Variants in WWOX observed in about 807,000 individuals in gnomAD.
The protein encoded by WWOX is WW domain-containing oxidoreductase.
A neutral mutation model predicts 46.2 loss-of-function variants in WWOX; 69 were observed. The ratio of observed to expected loss-of-function variants is 1.49; its 90% CI spans 1.23 to 1.82. The LOEUF is 1.82. Among genes scored for constraint, WWOX ranks in the 40% most tolerant of loss-of-function variants. The pLI, the probability that WWOX is intolerant of heterozygous loss-of-function variation, is 0.00. For missense variants in WWOX, 919 were observed against 542.6 expected (o/e 1.69, Z -6.89); for synonymous variants, 359 against 202.6 (o/e 1.77, Z -6.56).
chr16:78,345,061 A>G (rs2151902341), intron 5 of WWOX, among the ~76,000 whole-genome samples: 1 of 119,422 alleles, frequency 8.4e-6, no homozygotes, highest in African/African-American at 2.8e-5. Flanking sequence ...ATGGACCTAA[A>G]GTACCTAGGA....
At chr16:78,795,205 G>T (rs568331737) in intron 8 of WWOX, among the ~76,000 whole-genome samples, 3 of 152,180 alleles carry the variant, frequency 2.0e-5, no homozygotes, top group African/African-American at 7.2e-5. Flanking sequence ...AGTGCTTTGC[G>T]GGCATTATGT....
At chr16:78,989,418 G>C (rs1054268567) in intron 8 of WWOX, among the ~76,000 whole-genome samples, 4 of 152,160 alleles carry the variant, frequency 2.6e-5, no homozygotes, top group Non-Finnish European at 1.5e-5. Flanking sequence ...AATCTTAACA[G>C]CACCACAAAT....
chr16:78,434,683 G>A (rs371622376), intron 8 of WWOX, among the ~76,000 whole-genome samples: 16 of 152,252 alleles, frequency 1.1e-4, no homozygotes, highest in South Asian at 6.2e-4. Context: ...CAGAGAGTTC[G>A]TTTTCTCCTT....
chr16:79,165,429 C>G (rs772974594), intron 8 of WWOX, among the ~76,000 whole-genome samples: 10 of 152,166 alleles, frequency 6.6e-5, no homozygotes, highest in Non-Finnish European at 1.5e-4. Flanking sequence ...CCCACTGCAG[C>G]CGGTAGCATA....
Position 78,641,749 on chromosome 16 carries a change from G to A in WWOX, c.1056+208997G>A, listed in dbSNP as rs146084557. Among the ~76,000 whole-genome samples the A allele has an allele frequency of 2.0e-3, 298 of 152,248 alleles. 2 individuals are homozygous for A. The highest frequency in any genetic ancestry group is 0.01 in the Middle Eastern group (3 of 294). ...TGATAGACCCTGAGTAGCAAAAGAC[G>A]AAGACTAATTACCTGACAGAGCTCC... On this transcript the variant is annotated intron_variant, in intron 8 of 8. Transcript: ENST00000566780.
At chr16:79,008,653 C>T (rs1431861395) in intron 8 of WWOX, among the ~76,000 whole-genome samples, 1 of 152,180 alleles carries the variant, frequency 6.6e-6, no homozygotes, top group African/African-American at 2.4e-5. Context: ...TGGGCATGCT[C>T]CCGACACCAG....
chr16:79,098,789 C>T (rs1047509436), intron 8 of WWOX, among the ~76,000 whole-genome samples: 1 of 152,188 alleles, frequency 6.6e-6, no homozygotes, highest in Non-Finnish European at 1.5e-5. Context: ...GTCTTCATTT[C>T]TGCAAAGAAA....
chr16:78,393,166 C>A (rs2082212656), intron 6 of WWOX, among the ~76,000 whole-genome samples: 1 of 152,052 alleles, frequency 6.6e-6, no homozygotes, highest in African/African-American at 2.4e-5. Context: ...GAGCTGGGAC[C>A]CTTTCTAATC....
chr16:78,603,405 C>T (rs1201334932), intron 8 of WWOX, among the ~76,000 whole-genome samples: 1 of 152,186 alleles, frequency 6.6e-6, no homozygotes, highest in Non-Finnish European at 1.5e-5. Flanking sequence ...TTTTAAAAAA[C>T]TATATCCTGC....
chr16:78,324,337 A>G (rs1014536520), intron 5 of WWOX, among the ~76,000 whole-genome samples: 1 of 152,104 alleles, frequency 6.6e-6, no homozygotes, highest in Non-Finnish European at 1.5e-5. Context: ...CTCACACACC[A>G]TTGGTGGGGA....
At chr16:79,097,062 A>AT (rs938187363) in intron 8 of WWOX, among the ~76,000 whole-genome samples, 690 of 146,772 alleles carry the variant, frequency 4.7e-3, no homozygotes, top group Middle Eastern at 0.025. Context: ...GTCAGGTTGG[A>AT]TTTTTTTTTT....
At chr16:78,123,440 G>GTTTTTTGTTTTTTTTTTTTTTTTTT (rs2033202143) in intron 4 of WWOX, 1 of 50,500 alleles carries the variant, frequency 2.0e-5, no homozygotes, top group African/African-American at 8.4e-5. Context: ...TTTTTGTTTT[G>GTTTTTTGTTTTTTTTTTTTTTTTTT]TTTTTTTTTT....
At chr16:78,887,827 C>CTT (rs1238930494) in intron 8 of WWOX, among the ~76,000 whole-genome samples, 1 of 152,178 alleles carries the variant, frequency 6.6e-6, no homozygotes, top group Non-Finnish European at 1.5e-5. Context: ...GCTTAGGACT[C>CTT]TGTCTCTTTA....
chr16:78,767,135 A>G (rs1597576011), intron 8 of WWOX, among the ~76,000 whole-genome samples: 1 of 113,932 alleles, frequency 8.8e-6, no homozygotes, highest in Non-Finnish European at 1.7e-5. Context: ...CCTTCCTTCC[A>G]TTTTTGACAG....
intron 8 of WWOX, among the ~76,000 whole-genome samples, chr16:78,457,889 C>T (rs1437903867): frequency 7.4e-6 from 1 of 134,404 alleles, no homozygotes; most frequent in African/African-American, 3.2e-5. Context: ...GCACTCCAGC[C>T]TGAGCGTGAG....
At chr16:78,805,758 A>AT (rs1472615073) in intron 8 of WWOX, among the ~76,000 whole-genome samples, 1 of 152,202 alleles carries the variant, frequency 6.6e-6, no homozygotes, top group African/African-American at 2.4e-5. Context: ...TTATACGGCT[A>AT]TATCTCCATA....
chr16:79,204,752 A>T (rs1376238217), intron 8 of WWOX: 1 of 152,126 alleles, frequency 6.6e-6, no homozygotes, highest in Non-Finnish European at 1.5e-5. Context: ...ATGGCTTTGG[A>T]CGCCTTTGGG....
intron 8 of WWOX, among the ~76,000 whole-genome samples, chr16:78,632,452 G>C (rs1008013589): frequency 6.6e-6 from 1 of 151,758 alleles, no homozygotes; most frequent in Non-Finnish European, 1.5e-5. Context: ...TTTTTGAAGA[G>C]GGTGTAGGCC....
At chr16:78,630,805 G>T (rs1047667200) in intron 8 of WWOX, among the ~76,000 whole-genome samples, 1 of 152,284 alleles carries the variant, frequency 6.6e-6, no homozygotes, top group Admixed American at 6.5e-5. Flanking sequence ...CTAAGACATA[G>T]TTGGGACCAG....
Sources: allele counts gnomAD v4.1 joint callset (sites outside exome capture counted in the v4.1 genomes callset), GRCh38; gene constraint gnomAD v4.1.1; transcripts MANE v1.5; gene names NCBI Gene and HGNC (gene_info 2026-07-23, HGNC 2026-07-21).